Variants in COL25A1 observed in about 807,000 individuals in gnomAD.
COL25A1 encodes collagen alpha-1(XXV) chain.
A neutral mutation model predicts 128.4 loss-of-function variants in COL25A1; 103 were observed. The observed-to-expected ratio is 0.80, with a 90% CI of 0.68 to 0.94. COL25A1 has a LOEUF of 0.94. COL25A1 is among the 40% of genes least tolerant of loss of function. The pLI, the probability that COL25A1 is intolerant of heterozygous loss-of-function variation, is 0.00. For synonymous variants in COL25A1, 279 were observed against 277.2 expected (o/e 1.01, Z -0.06); for missense variants, 745 against 840.0 (o/e 0.89, Z 1.40).
chr4:108,843,099 T>G (rs922003553), intron 30 of COL25A1, among the ~76,000 whole-genome samples: 12 of 129,522 alleles, frequency 9.3e-5, no homozygotes, highest in African/African-American at 3.6e-4. Context: ...CAGTGAGCCA[T>G]GATCGTGCCA....
chr4:109,293,306 T>G (rs962038932), intron 3 of COL25A1, among the ~76,000 whole-genome samples: 2 of 152,066 alleles, frequency 1.3e-5, no homozygotes, highest in South Asian at 4.1e-4. Context: ...CTAAGTATGA[T>G]GATAAAGAAA....
Position 109,302,259 on chromosome 4 carries a change from CG to C in COL25A1, c.-148del. On this transcript the variant is annotated 5_prime_UTR_variant, in exon 1 of 38. Coordinates refer to ENST00000399132, the MANE Select transcript of COL25A1 (RefSeq NM_198721.4). Reference sequence around the variant, plus strand: ...CTGGAAGTGAAAAGCACCCTCCGTCCGGGGACTGGGTGGCGGTGGGGTAAAA... The same window carrying C: ...CTGGAAGTGAAAAGCACCCTCCGTCCGGGACTGGGTGGCGGTGGGGTAAAA... The C allele has an allele frequency of 1.9e-6, 1 of 515,150 alleles. No individual in the cohort carries two copies. Among genetic ancestry groups the C allele is most frequent in the East Asian group, 3.2e-5 (1 of 31,570 alleles). The allele number at this position is 515,150 out of a possible 1,614,324, so 31.9% of individuals were successfully genotyped here.
At chr4:109,224,896 C>T (rs1008722171) in intron 3 of COL25A1, among the ~76,000 whole-genome samples, 2 of 152,128 alleles carry the variant, frequency 1.3e-5, no homozygotes, top group Admixed American at 6.5e-5. Flanking sequence ...GCCGAGATTG[C>T]GCCATTGGAC....
At chr4:109,218,366 T>TTGTTTGTTTTTTTTTTTTTG (rs1362011627) in intron 3 of COL25A1, among the ~76,000 whole-genome samples, 2 of 134,036 alleles carry the variant, frequency 1.5e-5, no homozygotes, top group Non-Finnish European at 3.1e-5. Flanking sequence ...GGTTTTTTTT[T>TTGTTTGTTTTTTTTTTTTTG]TTTTTTTTTT....
At position 109,220,288 on chromosome 4, in the gene COL25A1, T is replaced by C. The variant is rs1208042701; in HGVS notation, c.367+80295A>G. Among the ~76,000 whole-genome samples the C allele has an allele frequency of 2.0e-5, 3 of 152,204 alleles. No homozygotes were observed. The South Asian group carries it at 6.2e-4, about 31-fold the overall frequency. On this transcript the variant is annotated intron_variant, in intron 3 of 37. Coordinates refer to ENST00000399132, the MANE Select transcript of COL25A1 (RefSeq NM_198721.4). ...ATTTTGCTCTTCAGTGAACGCATAT[T>C]TCTGAACCTGAAGATTTCTTGAGAT...
At chr4:108,926,004 G>T (rs1462126295) in intron 11 of COL25A1, among the ~76,000 whole-genome samples, 2 of 152,288 alleles carry the variant, frequency 1.3e-5, no homozygotes, top group South Asian at 2.1e-4. Flanking sequence ...GTTAAGAAAA[G>T]AATGACTCTG....
At chr4:109,000,392 AT>A (rs1755228393) in intron 6 of COL25A1, among the ~76,000 whole-genome samples, 1 of 152,168 alleles carries the variant, frequency 6.6e-6, no homozygotes, top group Non-Finnish European at 1.5e-5. Flanking sequence ...TAAAGCTGGG[AT>A]TTGAATTATG....
At chr4:109,152,874 G>C (rs1314834838) in intron 3 of COL25A1, among the ~76,000 whole-genome samples, 1 of 152,086 alleles carries the variant, frequency 6.6e-6, no homozygotes, top group East Asian at 1.9e-4. Context: ...AAAGGAATCG[G>C]GGGAGTACTG....
intron 6 of COL25A1, among the ~76,000 whole-genome samples, chr4:109,008,795 C>G (rs1337286856): frequency 6.6e-6 from 1 of 151,954 alleles, no homozygotes; most frequent in Non-Finnish European, 1.5e-5. Context: ...ATAATACTTT[C>G]CAAGGCTGTT....
intron 11 of COL25A1, among the ~76,000 whole-genome samples, chr4:108,925,207 T>C (rs1427837554): frequency 6.6e-6 from 1 of 152,084 alleles, no homozygotes; most frequent in Non-Finnish European, 1.5e-5. Context: ...AAGATAAAAA[T>C]GCATACCCCT....
At chr4:108,927,432 C>T (rs979344292) in intron 11 of COL25A1, among the ~76,000 whole-genome samples, 12 of 151,996 alleles carry the variant, frequency 7.9e-5, no homozygotes, top group South Asian at 2.1e-4. Flanking sequence ...TTATGTTTAG[C>T]GGCTTTCCAC....
chr4:108,882,421 A>G (rs7686077), intron 19 of COL25A1, among the ~76,000 whole-genome samples: 84,356 of 152,032 alleles, frequency 0.55, 24,665 homozygotes, highest in East Asian at 0.99. Context: ...ACAAGCACTT[A>G]CTGCAGCAAC....
At chr4:108,942,276 C>T (rs1578839646) in intron 8 of COL25A1, 1 of 1,550,036 alleles carries the variant, frequency 6.5e-7, no homozygotes, top group South Asian at 1.2e-5. Context: ...GCCCTATGGA[C>T]ATAGCACAGC....
intron 3 of COL25A1, among the ~76,000 whole-genome samples, chr4:109,185,121 G>A (rs1217007321): frequency 6.6e-6 from 1 of 152,142 alleles, no homozygotes; most frequent in African/African-American, 2.4e-5. Context: ...AAAAAGTATG[G>A]CTAGCTTTGC....
intron 5 of COL25A1, among the ~76,000 whole-genome samples, chr4:109,020,060 T>C (rs2125898946): frequency 6.6e-6 from 1 of 150,632 alleles, no homozygotes; most frequent in African/African-American, 2.5e-5. Flanking sequence ...ATCAACTAAT[T>C]TTTAAAACTA....
chr4:109,170,107 T>G (rs1216165914), intron 3 of COL25A1, among the ~76,000 whole-genome samples: 2 of 152,128 alleles, frequency 1.3e-5, no homozygotes, highest in Admixed American at 1.3e-4. Context: ...CCTGAGGACA[T>G]GTTCCATAAA....
At chr4:109,226,308 T>C (rs771950599) in intron 3 of COL25A1, among the ~76,000 whole-genome samples, 2 of 152,016 alleles carry the variant, frequency 1.3e-5, no homozygotes, top group Non-Finnish European at 2.9e-5. Context: ...CACTAAAAGC[T>C]CAGACTTTAC....
chr4:108,999,471 T>G (rs1192109405), intron 6 of COL25A1, among the ~76,000 whole-genome samples: 1 of 152,280 alleles, frequency 6.6e-6, no homozygotes, highest in South Asian at 2.1e-4. Context: ...AAACAACAGA[T>G]TCTGGAGAGG....
At chr4:108,909,288 T>A (rs377569484) in intron 13 of COL25A1, among the ~76,000 whole-genome samples, 18 of 152,194 alleles carry the variant, frequency 1.2e-4, no homozygotes, top group African/African-American at 4.3e-4. Flanking sequence ...GCAAAGGCAG[T>A]TTCAATCTCT....
Sources: gnomAD v4.1 joint callset for allele counts (sites outside exome capture counted in the v4.1 genomes callset) on GRCh38, gnomAD v4.1.1 for gene constraint, MANE v1.5 for transcripts, NCBI Gene and HGNC (gene_info 2026-07-23, HGNC 2026-07-21) for gene names.